The following PROSER1 variants were observed in gnomAD, a reference collection of about 807,000 sequenced individuals.
The protein encoded by PROSER1 is proline and serine rich 1.
Under a neutral mutation model 71.8 loss-of-function variants are expected in PROSER1, and 36 were observed. The ratio of observed to expected loss-of-function variants is 0.50; its 90% CI spans 0.38 to 0.66. The LOEUF is 0.66. Among genes scored for constraint, PROSER1 ranks in the 30% least tolerant of loss-of-function variants. PROSER1 has a pLI of 0.00. For missense variants in PROSER1, 1,107 were observed against 1,135.0 expected (o/e 0.98, Z 0.35); for synonymous variants, 490 against 452.4 (o/e 1.08, Z -1.06).
chr13:39,019,363 G>A (rs9576702), intron 9 of PROSER1, among the ~76,000 whole-genome samples: 21,017 of 140,718 alleles, frequency 0.15, 1,870 homozygotes, highest in African/African-American at 0.25. Context: ...AAAAAAAAAA[G>A]AAAAATTAGC....
rs1869587270 is a variant in PROSER1 at position 39,010,411 on chromosome 13, A to G, written c.*954T>C. On this transcript the variant is annotated 3_prime_UTR_variant, in exon 13 of 13. Transcript: ENST00000352251. ...TGTGGCAGTTATTACTTCAAAATTA[A>G]TGACATTCACTCATGTTATACTACC... 1 of 152,626 alleles carries G rather than the reference A, an allele frequency of 6.6e-6. No individual in the cohort carries two copies. Among genetic ancestry groups the G allele is most frequent in the African/African-American group, 2.4e-5 (1 of 41,464 alleles). The allele number at this position is 152,626 out of a possible 1,614,324, so 9.5% of individuals were successfully genotyped here.
chr13:39,031,655 C>G (rs1414478392), intron 2 of PROSER1, 24 bp from the exon 3 acceptor site: 1 of 1,590,516 alleles, frequency 6.3e-7, no homozygotes, highest in African/African-American at 1.4e-5. Flanking sequence ...ACTAACAGCT[C>G]TAATGACAGC....
intron 9 of PROSER1, among the ~76,000 whole-genome samples, chr13:39,021,153 G>A (rs185300658): frequency 7.0e-4 from 107 of 152,220 alleles, no homozygotes; most frequent in African/African-American, 2.6e-3. Context: ...TCCAGCTCCT[G>A]CCCTACCTCT....
chr13:39,011,609 G>A, intron 12 of PROSER1, 122 bp from the exon 13 acceptor site: 1 of 1,006,476 alleles, frequency 9.9e-7, no homozygotes, highest in East Asian at 2.7e-5. Flanking sequence ...AAAACTCTGA[G>A]GCACAATAAA....
chr13:39,020,783 T>C (rs1870253521), intron 9 of PROSER1, among the ~76,000 whole-genome samples: 1 of 152,298 alleles, frequency 6.6e-6, no homozygotes, highest in Non-Finnish European at 1.5e-5. Context: ...GAGAATAGTT[T>C]GACAACATAT....
chr13:39,031,554 GT>G lies in PROSER1; in HGVS notation c.180+8del. 6.3e-7 allele frequency: 1 copy of G among 1,586,822 alleles called. No individual in the cohort carries two copies. Among genetic ancestry groups the G allele is most frequent in the Non-Finnish European group, 8.6e-7 (1 of 1,163,776 alleles). ...TTCTACGTTCTGAAGGAAAAAATAA[GT>G]TACTTACATGCTGTAATGCTTTCAT... is the stretch of plus-strand genomic sequence containing the variant. On this transcript the variant is annotated splice_region_variant and intron_variant, in intron 3 of 12. Coordinates refer to ENST00000352251, the MANE Select transcript of PROSER1 (RefSeq NM_025138.5).
At chr13:39,014,507 G>GT in intron 10 of PROSER1, 31 bp from the exon 11 acceptor site, 1 of 1,493,186 alleles carries the variant, frequency 6.7e-7, no homozygotes, top group Non-Finnish European at 9.1e-7. Context: ...AGGCAAGAAT[G>GT]TATCATCATG....
At chr13:39,037,145 CTA>C in intron 1 of PROSER1, 51 bp downstream of exon 1, 1 of 1,352,904 alleles carries the variant, frequency 7.4e-7, no homozygotes, top group Non-Finnish European at 1.1e-6. Flanking sequence ...CAAAGAGAGT[CTA>C]AAACACGAGA....
rs1486667994 is a variant in PROSER1, at chr13:39,013,789, G to C, written c.1463C>G (p.Ala488Gly). 1.2e-6 allele frequency: 2 copies of C among 1,614,208 alleles called. No homozygotes were observed. Among genetic ancestry groups the C allele is most frequent in the South Asian group, 1.1e-5 (1 of 91,088 alleles). The change falls in exon 11 of 13, where the codon GCT becomes GGT. Residue 488 changes from alanine (A) to glycine (G), a missense_variant. Transcript: ENST00000352251. ...SNDTNLINSS[A>G]LSSAVTSGLA... Reference sequence around the variant, plus strand: ...CCCACTTGTGACAGCAGAGGATAAAGCAGAGGAGTTGATTAAATTGGTGTC... The same window carrying C: ...CCCACTTGTGACAGCAGAGGATAAACCAGAGGAGTTGATTAAATTGGTGTC...
At position 39,023,146 on chromosome 13, in the gene PROSER1, A is replaced by G. The variant is rs372506611; in HGVS notation, c.565-16T>C. 4.2e-5 allele frequency: 67 copies of G among 1,592,020 alleles called. No individual in the cohort carries two copies. In the African/African-American group the frequency reaches 7.6e-4, roughly 18 times the overall value. Reference sequence around the variant, plus strand: ...TTGAAGGAGGCTAAAACATGGGGGAAAATACAGCAGTTAGAAGAAAATCAA... The same window carrying G: ...TTGAAGGAGGCTAAAACATGGGGGAGAATACAGCAGTTAGAAGAAAATCAA... On this transcript the variant is annotated splice_polypyrimidine_tract_variant and intron_variant, in intron 7 of 12. Coordinates refer to ENST00000352251, the MANE Select transcript of PROSER1 (RefSeq NM_025138.5).
intron 10 of PROSER1, among the ~76,000 whole-genome samples, chr13:39,015,741 C>A (rs751276732): frequency 6.6e-5 from 10 of 152,010 alleles, no homozygotes; most frequent in Non-Finnish European, 1.0e-4. Context: ...AGTACATAAA[C>A]TGAAACTCAA....
At chr13:39,024,401 T>A (rs1292609096) in intron 7 of PROSER1, 72 bp downstream of exon 7, 2 of 1,122,486 alleles carry the variant, frequency 1.8e-6, no homozygotes, top group East Asian at 2.4e-5. Context: ...AAAATAAAAT[T>A]TATGCTTTGA....
At chr13:39,023,413 C>A in intron 7 of PROSER1, 1 of 256,202 alleles carries the variant, frequency 3.9e-6, no homozygotes, top group Non-Finnish European at 7.5e-6. Context: ...ACAGCAAACT[C>A]CTCCCAGGCC....
intron 9 of PROSER1, among the ~76,000 whole-genome samples, chr13:39,019,347 CAAA>C (rs558681903): frequency 1.4e-5 from 1 of 72,920 alleles, no homozygotes; most frequent in Admixed American, 1.4e-4. Flanking sequence ...ACTAAAAATA[CAAA>C]AAAAAAAAAA....
chr13:39,037,121 T>C, intron 1 of PROSER1, 77 bp downstream of exon 1: 1 of 1,111,362 alleles, frequency 9.0e-7, no homozygotes, highest in Non-Finnish European at 1.4e-6. Flanking sequence ...CTGCACAATC[T>C]CCATACAGTA....
intron 2 of PROSER1, 101 bp from the exon 3 acceptor site, chr13:39,031,732 C>T: frequency 1.1e-6 from 1 of 942,540 alleles, no homozygotes; most frequent in Non-Finnish European, 1.7e-6. Flanking sequence ...CAGCCCAGGC[C>T]CAGGTGATAC....
In PROSER1 at chr13:39,023,635, T is replaced by A. The variant is rs1593534831; in HGVS notation, c.565-505A>T. 1.3e-5 allele frequency: 2 copies of A among 153,178 alleles called. 1 individual carries two copies. Among genetic ancestry groups the A allele is most frequent in the Admixed American group, 1.3e-4 (2 of 15,438 alleles). 9.5% of individuals were successfully genotyped at this position (153,178 alleles called of 1,614,324 possible). A position where few individuals can be genotyped will look rare whatever the true frequency, so the allele number is the denominator to read the frequency against. On this transcript the variant is annotated intron_variant, in intron 7 of 12. Transcript: ENST00000352251. Reference sequence around the variant, plus strand: ...GCATTTGGCATTCTGACAACTCCAGTAGAACATAGACTGGAATCAGGAATT... The same window carrying A: ...GCATTTGGCATTCTGACAACTCCAGAAGAACATAGACTGGAATCAGGAATT...
intron 1 of PROSER1, 91 bp downstream of exon 1, chr13:39,037,107 T>C (rs760852891): frequency 1.1e-5 from 11 of 990,560 alleles, no homozygotes; most frequent in African/African-American, 4.8e-5. Flanking sequence ...CTAGGACCCT[T>C]ATTCTGCACA....
rs753574007 is a variant in PROSER1 at position 39,037,197 on chromosome 13, CCTTT to C, written c.42_45del (p.Lys15LeufsTer3). The C allele has an allele frequency of 2.5e-6, 4 of 1,598,730 alleles. No individual in the cohort carries two copies. Among genetic ancestry groups the C allele is most frequent in the South Asian group, 1.1e-5 (1 of 90,768 alleles). On this transcript the variant is annotated frameshift_variant and splice_region_variant, in exon 1 of 13. Coordinates refer to ENST00000352251, the MANE Select transcript of PROSER1 (RefSeq NM_025138.5). LOFTEE classifies it high-confidence loss of function. ...ATAATTCATGGAATCGGTCTAATTA[CCTTT>C]CTAATTTCATCCAGCACCATTTCAA...
Sources: allele counts gnomAD v4.1 joint callset (sites outside exome capture counted in the v4.1 genomes callset), GRCh38; gene constraint gnomAD v4.1.1; transcripts MANE v1.5; gene names NCBI Gene and HGNC (gene_info 2026-07-23, HGNC 2026-07-21).